CHRM2: variants seen among roughly 807,000 people sequenced by gnomAD.
CHRM2 encodes cholinergic receptor muscarinic 2, also known as muscarinic acetylcholine receptor M2.
Under a neutral mutation model 25.0 loss-of-function variants are expected in CHRM2, and 8 were observed. The ratio of observed to expected loss-of-function variants is 0.32; its 90% CI spans 0.19 to 0.58. The LOEUF (loss-of-function observed/expected upper bound fraction) is 0.58, where lower values mean the gene tolerates loss of function less well. CHRM2 is among the 20% of genes least tolerant of loss of function. CHRM2 has a pLI of 0.88. For synonymous variants in CHRM2, 202 were observed against 205.7 expected (o/e 0.98, Z 0.15); for missense variants, 440 against 567.1 (o/e 0.78, Z 2.28).
At chr7:136,948,783 G>T (rs1356522135) in intron 2 of CHRM2, among the ~76,000 whole-genome samples, 1 of 151,996 alleles carries the variant, frequency 6.6e-6, no homozygotes. Context: ...TGATAAAAAA[G>T]AAATGAGTCT....
intron 2 of CHRM2, among the ~76,000 whole-genome samples, chr7:136,991,693 TTTTA>T (rs1404891064): frequency 2.6e-5 from 4 of 152,142 alleles, no homozygotes; most frequent in Admixed American, 6.6e-5. Flanking sequence ...CTTCTCTTGA[TTTTA>T]TTTTTCTTTG....
intron 2 of CHRM2, among the ~76,000 whole-genome samples, chr7:136,922,007 T>A (rs1401192176): frequency 1.3e-5 from 2 of 152,154 alleles, no homozygotes; most frequent in East Asian, 1.9e-4. Flanking sequence ...CCTCAAGTGA[T>A]CTGCCTGCCT....
chr7:136,980,105 T>C (rs531290477), intron 2 of CHRM2, among the ~76,000 whole-genome samples: 1 of 152,202 alleles, frequency 6.6e-6, no homozygotes, highest in Non-Finnish European at 1.5e-5. Flanking sequence ...TTTGTTTGTG[T>C]CCTCTCTTAC....
rs536030296 is a variant in CHRM2, at chr7:136,980,165, T to G, written c.-124-12022T>G. On this transcript the variant is annotated intron_variant, in intron 2 of 3. Transcript: ENST00000680005. The stretch of plus-strand genomic sequence containing the variant: ...CTCCTTAAAGAGGTTCTTCACATCC[T>G]TTGTAAGTTGAATTCCTAGGTATTT... Among the ~76,000 whole-genome samples the G allele has an allele frequency of 1.9e-3, 293 of 152,242 alleles. 2 individuals carry two copies. Among genetic ancestry groups the G allele is most frequent in the Middle Eastern group, 0.014 (4 of 294 alleles).
intron 2 of CHRM2, among the ~76,000 whole-genome samples, chr7:136,910,499 A>T (rs907237291): frequency 1.3e-5 from 2 of 151,888 alleles, no homozygotes; most frequent in Non-Finnish European, 2.9e-5. Context: ...TACACCTGTC[A>T]CCTTTGTAAG....
intron 2 of CHRM2, among the ~76,000 whole-genome samples, chr7:136,896,478 T>C (rs1390107642): frequency 6.6e-6 from 1 of 152,166 alleles, no homozygotes; most frequent in African/African-American, 2.4e-5. Flanking sequence ...TCCAGCTGGA[T>C]GATCATTGAC....
intron 2 of CHRM2, among the ~76,000 whole-genome samples, chr7:136,961,080 G>T (rs1044921966): frequency 5.9e-4 from 89 of 152,092 alleles, no homozygotes; most frequent in African/African-American, 2.1e-3. Flanking sequence ...AGCCAAGATG[G>T]CGCCACTGCA....
intron 2 of CHRM2, among the ~76,000 whole-genome samples, chr7:136,936,759 A>G (rs533855840): frequency 1.3e-5 from 2 of 152,334 alleles, no homozygotes; most frequent in South Asian, 2.1e-4. Context: ...AAAATCAATT[A>G]TAATTTTCAA....
intron 2 of CHRM2, among the ~76,000 whole-genome samples, chr7:136,932,119 A>C (rs1235401249): frequency 6.6e-6 from 1 of 152,218 alleles, no homozygotes; most frequent in Non-Finnish European, 1.5e-5. Flanking sequence ...ATCTGATTCA[A>C]AATTTACATT....
intron 2 of CHRM2, among the ~76,000 whole-genome samples, chr7:136,896,645 G>C (rs1041720706): frequency 3.9e-5 from 6 of 152,186 alleles, no homozygotes; most frequent in Admixed American, 2.6e-4. Flanking sequence ...CATCTTTCAT[G>C]ACCCTAAATA....
chr7:136,960,804 T>C (rs1801023741), intron 2 of CHRM2, among the ~76,000 whole-genome samples: 1 of 152,178 alleles, frequency 6.6e-6, no homozygotes, highest in East Asian at 1.9e-4. Flanking sequence ...TAGTGATTTT[T>C]ATTATTATTT....
chr7:136,950,786 T>C (rs1031099792), intron 2 of CHRM2, among the ~76,000 whole-genome samples: 1 of 142,256 alleles, frequency 7.0e-6, no homozygotes, highest in Non-Finnish European at 1.5e-5. Flanking sequence ...CCCCAACCTG[T>C]TGTTGTTGTT....
chr7:136,965,953 A>G (rs930628070), intron 2 of CHRM2, among the ~76,000 whole-genome samples: 1 of 152,036 alleles, frequency 6.6e-6, no homozygotes, highest in African/African-American at 2.4e-5. Flanking sequence ...TTATTTGAAG[A>G]AAGAGCACAA....
intron 2 of CHRM2, among the ~76,000 whole-genome samples, chr7:136,892,139 C>T (rs537246986): frequency 6.6e-6 from 1 of 152,190 alleles, no homozygotes; most frequent in Non-Finnish European, 1.5e-5. Context: ...GAAAGAGGTG[C>T]TTGCACTGGA....
intron 2 of CHRM2, among the ~76,000 whole-genome samples, chr7:136,982,748 T>G (rs1245820846): frequency 6.6e-6 from 1 of 152,210 alleles, no homozygotes; most frequent in African/African-American, 2.4e-5. Flanking sequence ...ATTCTTTTCT[T>G]TAAGGATATT....
At chr7:137,003,902 G>A (rs1030479087) in intron 3 of CHRM2, among the ~76,000 whole-genome samples, 1 of 152,008 alleles carries the variant, frequency 6.6e-6, no homozygotes, top group African/African-American at 2.4e-5. Flanking sequence ...GATTTGATAA[G>A]GGGCTTTTCC....
rs1805067956 is a variant in CHRM2 at position 137,014,889 on chromosome 7, T to C, written c.24T>C (p.Ser8=). The C allele has an allele frequency of 1.9e-6, 3 of 1,613,048 alleles. No individual in the cohort carries two copies. The Admixed American group carries it at 5.0e-5, about 27-fold the overall frequency. MNNSTNS[S]NNSLALTSPY... is the part of the protein sequence containing the mutation. The stretch of plus-strand genomic sequence containing the variant: ...AAATGAATAACTCAACAAACTCCTC[T>C]AACAATAGCCTGGCTCTTACAAGTC... Residue 8 remains serine, a synonymous_variant, in exon 4 of 4, where the codon TCT becomes TCC. Coordinates refer to ENST00000680005, the MANE Select transcript of CHRM2 (RefSeq NM_001006630.2).
intron 3 of CHRM2, 46 bp downstream of exon 3, chr7:136,992,310 G>C (rs951780330): frequency 2.6e-5 from 4 of 152,120 alleles, no homozygotes; most frequent in Non-Finnish European, 5.9e-5. Context: ...TACATTTATA[G>C]ACAAAACATT....
At chr7:136,980,315 A>G (rs1802400138) in intron 2 of CHRM2, among the ~76,000 whole-genome samples, 1 of 152,192 alleles carries the variant, frequency 6.6e-6, no homozygotes, top group Non-Finnish European at 1.5e-5. Context: ...ACTTTGCTGA[A>G]GTTGCTTATG....
Sources: allele counts gnomAD v4.1 joint callset (sites outside exome capture counted in the v4.1 genomes callset), GRCh38; gene constraint gnomAD v4.1.1; transcripts MANE v1.5; gene names NCBI Gene and HGNC (gene_info 2026-07-23, HGNC 2026-07-21).